Variants in NSD1 observed in about 807,000 individuals in gnomAD.
The protein encoded by NSD1 is nuclear receptor binding SET domain protein 1.
A neutral mutation model predicts 242.7 loss-of-function variants in NSD1; 26 were observed. That is an observed-to-expected ratio of 0.11 (90% CI 0.08 to 0.15). The LOEUF (loss-of-function observed/expected upper bound fraction) is 0.15, where lower values mean the gene tolerates loss of function less well. NSD1 is among the 10% of genes least tolerant of loss of function. NSD1 has a pLI of 1.00. For synonymous variants in NSD1, 1,106 were observed against 1,178.1 expected (o/e 0.94, Z 1.25); for missense variants, 2,495 against 3,272.8 (o/e 0.76, Z 5.80).
intron 14 of NSD1, chr5:177,266,755 G>T: frequency 3.9e-6 from 1 of 255,034 alleles, no homozygotes; most frequent in Non-Finnish European, 7.5e-6. Context: ...ACATGTTTGA[G>T]TCTAGCATGT....
chr5:177,238,482 T>G lies in NSD1; in HGVS notation c.4167T>G (p.Ser1389=). ...PEVSPRPALE[S]EELLVKTPGN... ...TCTCTCCACGGCCTGCCCTTGAGTC[T>G]GAGGAATTGCTAGTTAAAACGCCAG... is the stretch of plus-strand genomic sequence containing the variant. The change falls in exon 7 of 23, where the codon TCT becomes TCG. Residue 1389 remains serine, a synonymous_variant. Coordinates refer to ENST00000439151, the MANE Select transcript of NSD1 (RefSeq NM_022455.5). The surrounding 1 kb of genome is among the most constrained non-coding windows in gnomAD (Gnocchi z 4.6). 1 of 1,613,970 alleles carries G rather than the reference T, an allele frequency of 6.2e-7. No individual in the cohort carries two copies. The highest frequency in any genetic ancestry group is 8.5e-7 in the Non-Finnish European group (1 of 1,180,026).
chr5:177,229,266 A>G (rs1764871045), intron 5 of NSD1, among the ~76,000 whole-genome samples: 1 of 152,062 alleles, frequency 6.6e-6, no homozygotes, highest in East Asian at 1.9e-4. Context: ...CTATTGCTAT[A>G]CTCATCCAGT....
chr5:177,207,865 A>G lies in NSD1; in HGVS notation c.1237-1771A>G, dbSNP rs183769871. On this transcript the variant is annotated intron_variant, in intron 4 of 22. Coordinates refer to ENST00000439151, the MANE Select transcript of NSD1 (RefSeq NM_022455.5). ...ACAAATGATCCTCCTACCTCAGCCTACTGAGTAGCTGGGACCATATGCATG... is the reference window on the plus strand; with the variant it reads ...ACAAATGATCCTCCTACCTCAGCCTGCTGAGTAGCTGGGACCATATGCATG... Among the ~76,000 whole-genome samples, 13 of 151,622 alleles carry G rather than the reference A, an allele frequency of 8.6e-5. No homozygotes were observed. The East Asian group carries it at 2.3e-3, about 27-fold the overall frequency.
chr5:177,172,340 C>T (rs1562151758), intron 2 of NSD1, among the ~76,000 whole-genome samples: 1 of 149,238 alleles, frequency 6.7e-6, no homozygotes, highest in Admixed American at 6.7e-5. Flanking sequence ...TTATAATTGT[C>T]TTTTTTTTTT....
intron 16 of NSD1, among the ~76,000 whole-genome samples, chr5:177,272,038 C>G (rs948323547): frequency 6.6e-6 from 1 of 152,010 alleles, no homozygotes; most frequent in Non-Finnish European, 1.5e-5. Context: ...GGAGGAAAAT[C>G]GCTGGAACCC....
At chr5:177,137,068 G>T in intron 2 of NSD1, 1 of 432,552 alleles carries the variant, frequency 2.3e-6, no homozygotes, top group African/African-American at 2.0e-5. Flanking sequence ...GTCAAGTATT[G>T]TTAGAGGGTG....
chr5:177,167,364 C>G (rs1013735794), intron 2 of NSD1, among the ~76,000 whole-genome samples: 32 of 151,942 alleles, frequency 2.1e-4, no homozygotes, highest in African/African-American at 7.5e-4. Flanking sequence ...TGGTGAAACC[C>G]ATTTCTACTA....
chr5:177,215,246 C>G (rs1207622135), intron 5 of NSD1, among the ~76,000 whole-genome samples: 1 of 150,896 alleles, frequency 6.6e-6, no homozygotes, highest in Non-Finnish European at 1.5e-5. Context: ...ATGGCACAAT[C>G]TCAGTTCACT....
chr5:177,171,224 T>G (rs183168852), intron 2 of NSD1, among the ~76,000 whole-genome samples: 74 of 151,992 alleles, frequency 4.9e-4, no homozygotes, highest in African/African-American at 1.6e-3. Context: ...GGAGAATCGC[T>G]TGAACCAGGG....
chr5:177,164,165 T>TC (rs397805560), intron 2 of NSD1, among the ~76,000 whole-genome samples: 9 of 150,086 alleles, frequency 6.0e-5, no homozygotes, highest in African/African-American at 2.2e-4. Flanking sequence ...TTTTTTTTTT[T>TC]CTTTTTTTGA....
chr5:177,281,336 TTTTTTTTTTTTAATAA>T (rs1346280593), intron 18 of NSD1, among the ~76,000 whole-genome samples: 9 of 146,194 alleles, frequency 6.2e-5, no homozygotes, highest in African/African-American at 2.4e-4. Context: ...GTATAGTCTT[TTTTTTTTTTTTAATAA>T]AATAAGCCTT....
chr5:177,205,501 C>CT (rs1210769744), intron 4 of NSD1, among the ~76,000 whole-genome samples: 2 of 151,198 alleles, frequency 1.3e-5, no homozygotes, highest in South Asian at 2.1e-4. Context: ...TTTTAATACT[C>CT]TTTTTTCCTC....
At chr5:177,292,687 C>G (rs191813833) in intron 22 of NSD1, among the ~76,000 whole-genome samples, 1 of 152,252 alleles carries the variant, frequency 6.6e-6, no homozygotes, top group Non-Finnish European at 1.5e-5. Flanking sequence ...GCAGAGTAGA[C>G]TTTTTTCCTC....
intron 2 of NSD1, among the ~76,000 whole-genome samples, chr5:177,172,232 G>A (rs1352786324): frequency 6.6e-6 from 1 of 152,200 alleles, no homozygotes; most frequent in Admixed American, 6.5e-5. Flanking sequence ...GATCCTGGAT[G>A]TGGTAGTTCA....
chr5:177,251,950 TGG>T, intron 12 of NSD1, 97 bp downstream of exon 12: 1 of 1,449,346 alleles, frequency 6.9e-7, no homozygotes, highest in South Asian at 1.2e-5. Flanking sequence ...GTGGCAACAC[TGG>T]GCTAGTTGTT....
At chr5:177,252,536 GTTCT>G (rs1166025683) in intron 12 of NSD1, among the ~76,000 whole-genome samples, 1 of 98,996 alleles carries the variant, frequency 1.0e-5, no homozygotes, top group African/African-American at 4.3e-5. Flanking sequence ...AAAGTAAAGT[GTTCT>G]TTTTTTTTTT....
intron 3 of NSD1, among the ~76,000 whole-genome samples, chr5:177,197,531 A>G (rs1458014076): frequency 6.6e-6 from 1 of 152,138 alleles, no homozygotes; most frequent in Non-Finnish European, 1.5e-5. Context: ...CTGAGGCAGG[A>G]GAATGGTGTG....
rs1278114901 is a variant in NSD1 at position 177,197,077 on chromosome 5, G to A, written c.1063+5058G>A. Among the ~76,000 whole-genome samples the A allele has an allele frequency of 4.6e-5, 7 of 151,766 alleles. No individual in the cohort carries two copies. The East Asian group carries it at 1.2e-3, about 25-fold the overall frequency. On this transcript the variant is annotated intron_variant, in intron 3 of 22. Transcript: ENST00000439151. Reference sequence around the variant, plus strand: ...AGGTCAGGAGTTGAAAGCCAGCCTGGCCAACATGGTGAAACCCTGTTTCTT... The same window carrying A: ...AGGTCAGGAGTTGAAAGCCAGCCTGACCAACATGGTGAAACCCTGTTTCTT...
intron 2 of NSD1, among the ~76,000 whole-genome samples, chr5:177,188,534 T>G (rs1761416333): frequency 1.3e-5 from 2 of 152,236 alleles, no homozygotes. Context: ...AAATTTGTGT[T>G]TCTCAATGGC....
Sources: gnomAD v4.1 joint callset for allele counts (sites outside exome capture counted in the v4.1 genomes callset) on GRCh38, gnomAD v4.1.1 for gene constraint, Gnocchi (gnomAD v3.1) non-coding constraint, MANE v1.5 for transcripts, NCBI Gene and HGNC (gene_info 2026-07-23, HGNC 2026-07-21) for gene names.